The following CECR2 variants were observed in gnomAD, a reference collection of about 807,000 sequenced individuals.
CECR2 encodes CECR2 histone acetyl-lysine reader.
In CECR2, 30 loss-of-function variants were observed where a neutral mutation model predicts 154.5. That is an observed-to-expected ratio of 0.19 (90% CI 0.15 to 0.26). CECR2 has a LOEUF of 0.26. CECR2 is among the 10% of genes least tolerant of loss of function. The probability of loss-of-function intolerance (pLI) is 1.00; values close to 1 mark genes in which losing one functional copy is unlikely to be tolerated. For missense variants in CECR2, 1,743 were observed against 1,829.3 expected (o/e 0.95, Z 0.86); for synonymous variants, 725 against 683.7 (o/e 1.06, Z -0.94).
At chr22:17,504,570 A>G (rs924617978) in intron 6 of CECR2, among the ~76,000 whole-genome samples, 6 of 151,732 alleles carry the variant, frequency 4.0e-5, no homozygotes, top group Admixed American at 1.3e-4. Context: ...CCGAGTAGCT[A>G]GGATCACAGG....
intron 8 of CECR2, among the ~76,000 whole-genome samples, chr22:17,513,410 T>G (rs946841199): frequency 1.3e-5 from 2 of 152,234 alleles, no homozygotes; most frequent in African/African-American, 4.8e-5. Context: ...TTCATGGATC[T>G]TAAATTTGAG....
At chr22:17,388,172 T>G (rs542556860) in intron 1 of CECR2, among the ~76,000 whole-genome samples, 1 of 152,316 alleles carries the variant, frequency 6.6e-6, no homozygotes, top group Admixed American at 6.5e-5. Context: ...CAGGCTGGTC[T>G]CAAACTCCTG....
chr22:17,367,639 G>T (rs1015627075), upstream of CECR2, among the ~76,000 whole-genome samples: 52 of 152,204 alleles, frequency 3.4e-4, no homozygotes, highest in African/African-American at 1.1e-3. Context: ...CACCCGCCTC[G>T]GCCTCCCAAA....
chr22:17,452,233 A>G (rs1390779020), intron 1 of CECR2, among the ~76,000 whole-genome samples: 1 of 152,062 alleles, frequency 6.6e-6, no homozygotes, highest in East Asian at 1.9e-4. Context: ...CCACCACGCC[A>G]GACTAATTTT....
rs767250283 is a variant in CECR2 at position 17,553,053 on chromosome 22, G to C, written c.*213G>C. The C allele has an allele frequency of 8.5e-7, 1 of 1,175,606 alleles. No individual in the cohort carries two copies. Among genetic ancestry groups the C allele is most frequent in the East Asian group, 2.8e-5 (1 of 35,090 alleles). The allele number at this position is 1,175,606 out of a possible 1,614,324, so 72.8% of individuals were successfully genotyped here. ...CACAGATTGCAAAGGTCCTCGGCCA[G>C]GGATCTCTTGCACAGCTGATGTAGA... is the stretch of plus-strand genomic sequence containing the variant. On this transcript the variant is annotated 3_prime_UTR_variant, in exon 19 of 19. Transcript: ENST00000262608.
At chr22:17,487,996 C>T (rs2055454697) in intron 2 of CECR2, among the ~76,000 whole-genome samples, 1 of 152,102 alleles carries the variant, frequency 6.6e-6, no homozygotes, top group Non-Finnish European at 1.5e-5. Flanking sequence ...GATTCTTCTG[C>T]CTCTGCCTCC....
At chr22:17,370,321 G>GT (rs1430698604) in intron 1 of CECR2, among the ~76,000 whole-genome samples, 2 of 145,670 alleles carry the variant, frequency 1.4e-5, no homozygotes, top group African/African-American at 2.5e-5. Context: ...GCCGGGCGCG[G>GT]GGGGGGGGCC....
chr22:17,436,040 C>G (rs758241081), intron 1 of CECR2, among the ~76,000 whole-genome samples: 1 of 152,186 alleles, frequency 6.6e-6, no homozygotes, highest in Non-Finnish European at 1.5e-5. Context: ...CTCACTGCAA[C>G]CTCCGCCTCC....
Position 17,538,746 on chromosome 22 carries a change from T to C in CECR2, c.1368+15T>C. 1 of 1,589,214 alleles carries C rather than the reference T, an allele frequency of 6.3e-7. No homozygotes were observed. Among genetic ancestry groups the C allele is most frequent in the East Asian group, 2.2e-5 (1 of 44,766 alleles). ...AGATTATTAAGGTAGAAGTTGTCTT[T>C]GCAGTAATGCCTACTATAGTGTGTA... On this transcript the variant is annotated intron_variant, in intron 12 of 18. Coordinates refer to ENST00000262608, the MANE Select transcript of CECR2 (RefSeq NM_001290047.2).
chr22:17,514,746 C>CT (rs1569134691), intron 8 of CECR2, among the ~76,000 whole-genome samples: 1 of 152,060 alleles, frequency 6.6e-6, no homozygotes, highest in Non-Finnish European at 1.5e-5. Context: ...TTAAAACAGA[C>CT]TTGTGGGCCA....
At chr22:17,375,426 A>G (rs1036053362) in intron 1 of CECR2, among the ~76,000 whole-genome samples, 1 of 152,118 alleles carries the variant, frequency 6.6e-6, no homozygotes, top group Admixed American at 6.6e-5. Flanking sequence ...GCAAATGTTT[A>G]TTAAGCATCT....
intron 1 of CECR2, chr22:17,419,546 A>AGAGGAAGAGGAG: frequency 1.0e-5 from 2 of 196,422 alleles, no homozygotes; most frequent in Admixed American, 5.2e-5. Context: ...AGGAAGAGGA[A>AGAGGAAGAGGAG]GAGGAGGAGG....
chr22:17,378,007 G>A (rs937463030), intron 1 of CECR2, among the ~76,000 whole-genome samples: 15 of 152,252 alleles, frequency 9.9e-5, no homozygotes, highest in South Asian at 4.1e-4. Context: ...TTTTTGAGAC[G>A]GAGGCTTGCT....
At chr22:17,427,083 T>C (rs2054343019) in intron 1 of CECR2, among the ~76,000 whole-genome samples, 1 of 152,030 alleles carries the variant, frequency 6.6e-6, no homozygotes, top group Admixed American at 6.6e-5. Flanking sequence ...ATTGTTCAAT[T>C]CCAACCTAAG....
intron 1 of CECR2, among the ~76,000 whole-genome samples, chr22:17,376,160 T>TA (rs1185686676): frequency 6.6e-6 from 1 of 152,100 alleles, no homozygotes; most frequent in Non-Finnish European, 1.5e-5. Context: ...TGTAACTCTT[T>TA]AAAAGTGAAT....
chr22:17,519,702 A>C (rs1378625699), intron 8 of CECR2, among the ~76,000 whole-genome samples: 1 of 152,052 alleles, frequency 6.6e-6, no homozygotes, highest in Non-Finnish European at 1.5e-5. Context: ...TATTAGTAAG[A>C]TTTAGGTTAT....
chr22:17,488,197 A>G (rs1361463166), intron 2 of CECR2, among the ~76,000 whole-genome samples: 1 of 152,122 alleles, frequency 6.6e-6, no homozygotes, highest in Non-Finnish European at 1.5e-5. Flanking sequence ...TTAATTTTTA[A>G]TTATGGATCT....
chr22:17,465,492 T>G (rs1601404354), intron 1 of CECR2, among the ~76,000 whole-genome samples: 1 of 151,732 alleles, frequency 6.6e-6, no homozygotes, highest in Admixed American at 6.6e-5. Flanking sequence ...ACCTGTTTTT[T>G]TCCTTTTTTT....
At chr22:17,503,869 A>G (rs2055784049) in intron 6 of CECR2, among the ~76,000 whole-genome samples, 1 of 151,802 alleles carries the variant, frequency 6.6e-6, no homozygotes, top group Non-Finnish European at 1.5e-5. Context: ...CAACATTGTG[A>G]AACCCCATCT....
Sources: allele counts gnomAD v4.1 joint callset (sites outside exome capture counted in the v4.1 genomes callset), GRCh38; gene constraint gnomAD v4.1.1; transcripts MANE v1.5; gene names NCBI Gene and HGNC (gene_info 2026-07-23, HGNC 2026-07-21).